The following ELMO1 variants were observed in gnomAD, a reference collection of about 807,000 sequenced individuals.
The protein encoded by ELMO1 is engulfment and cell motility protein 1.
Under a neutral mutation model 98.9 loss-of-function variants are expected in ELMO1, and 26 were observed. That is an observed-to-expected ratio of 0.26 (90% CI 0.19 to 0.36). The LOEUF is 0.36. Ranked by LOEUF, ELMO1 falls within the 10% of genes least tolerant of loss-of-function variation. ELMO1 has a pLI of 1.00. For missense variants in ELMO1, 627 were observed against 935.2 expected (o/e 0.67, Z 4.30); for synonymous variants, 346 against 346.0 (o/e 1.00, Z 0.00).
At chr7:36,915,862 C>A (rs1483059580) in intron 16 of ELMO1, among the ~76,000 whole-genome samples, 1 of 152,114 alleles carries the variant, frequency 6.6e-6, no homozygotes, top group Admixed American at 6.5e-5. Flanking sequence ...CAGTGTGAGA[C>A]AGAAGTACTT....
rs576908521 is a variant in ELMO1 at position 37,121,714 on chromosome 7, C to G, written c.1191+11416G>C. ...TGGAAAACACTCTACAGGATATCAT[C>G]CAGGAGAATTTCCCCAACCTAGCAA... is the stretch of plus-strand genomic sequence containing the variant. On this transcript the variant is annotated intron_variant, in intron 14 of 21. Coordinates refer to ENST00000310758, the MANE Select transcript of ELMO1 (RefSeq NM_014800.11). 2.0e-5 allele frequency among the ~76,000 whole-genome samples: 3 copies of G among 152,312 alleles called. No individual in the cohort carries two copies. The South Asian group carries it at 6.2e-4, about 32-fold the overall frequency.
At chr7:37,350,628 GA>G (rs1225661892) in intron 1 of ELMO1, among the ~76,000 whole-genome samples, 3 of 152,228 alleles carry the variant, frequency 2.0e-5, no homozygotes, top group Non-Finnish European at 4.4e-5. Flanking sequence ...CTCTCAGGTT[GA>G]TAGAGGCCTC....
At chr7:37,289,666 C>G (rs749843204) in intron 4 of ELMO1, among the ~76,000 whole-genome samples, 4 of 152,202 alleles carry the variant, frequency 2.6e-5, no homozygotes, top group Non-Finnish European at 5.9e-5. Context: ...CAAATGGGAT[C>G]TGGACTGACA....
intron 13 of ELMO1, among the ~76,000 whole-genome samples, chr7:37,174,091 T>C (rs1790358887): frequency 6.6e-6 from 1 of 152,206 alleles, no homozygotes; most frequent in Non-Finnish European, 1.5e-5. Flanking sequence ...AATGAAACCA[T>C]GACTGGGGGG....
At chr7:37,183,701 T>A (rs1791023768) in intron 13 of ELMO1, among the ~76,000 whole-genome samples, 1 of 137,902 alleles carries the variant, frequency 7.3e-6, no homozygotes, top group Non-Finnish European at 1.5e-5. Flanking sequence ...CTTTCTCACT[T>A]CACTAAGTAT....
intron 13 of ELMO1, among the ~76,000 whole-genome samples, chr7:37,198,137 CCTT>C (rs1372292072): frequency 2.0e-5 from 3 of 152,212 alleles, no homozygotes; most frequent in African/African-American, 7.2e-5. Flanking sequence ...TCCACCGCTT[CCTT>C]CACTAAAGAG....
chr7:37,373,207 C>A (rs1802187449), intron 1 of ELMO1, among the ~76,000 whole-genome samples: 1 of 152,202 alleles, frequency 6.6e-6, no homozygotes, highest in African/African-American at 2.4e-5. Context: ...AAGTGAAAAG[C>A]AAATCATTTC....
chr7:36,873,463 C>G (rs1462561782), intron 19 of ELMO1, among the ~76,000 whole-genome samples: 2 of 152,218 alleles, frequency 1.3e-5, no homozygotes, highest in Non-Finnish European at 2.9e-5. Context: ...ACATTTACCC[C>G]CTGGGGCATG....
At chr7:37,115,785 G>A (rs1425058481) in intron 14 of ELMO1, among the ~76,000 whole-genome samples, 1 of 151,316 alleles carries the variant, frequency 6.6e-6, no homozygotes, top group African/African-American at 2.4e-5. Flanking sequence ...AGACTGGGAA[G>A]GAGGAAACAA....
At chr7:37,423,472 C>T (rs1156406240) in intron 1 of ELMO1, among the ~76,000 whole-genome samples, 2 of 152,106 alleles carry the variant, frequency 1.3e-5, no homozygotes, top group African/African-American at 2.4e-5. Context: ...CCCAGCTATT[C>T]GGGAGGCTGA....
chr7:37,116,550 T>C (rs560509435), intron 14 of ELMO1, among the ~76,000 whole-genome samples: 2 of 152,162 alleles, frequency 1.3e-5, no homozygotes, highest in Non-Finnish European at 2.9e-5. Flanking sequence ...TTTTAACCTT[T>C]CAATTCACAT....
At position 37,448,710 on chromosome 7, in the gene ELMO1, C is replaced by T. The variant is rs1353024661; in HGVS notation, c.-109G>A. 6.6e-6 allele frequency: 1 copy of T among 152,286 alleles called. No homozygotes were observed. Among genetic ancestry groups the T allele is most frequent in the African/African-American group, 2.4e-5 (1 of 41,456 alleles). 9.4% of individuals were successfully genotyped at this position (152,286 alleles called of 1,614,324 possible). On this transcript the variant is annotated 5_prime_UTR_variant, in exon 1 of 22. Transcript: ENST00000310758. ...TCGCAGGACAGCAGCGGCAAGGGTT[C>T]CCGGCGATCAGAGCTCCGGCGACCC...
At chr7:36,974,065 C>T (rs1461707104) in intron 16 of ELMO1, among the ~76,000 whole-genome samples, 2 of 152,232 alleles carry the variant, frequency 1.3e-5, no homozygotes, top group East Asian at 1.9e-4. Context: ...CCCTGATGAG[C>T]GCCGCCCCCT....
intron 15 of ELMO1, among the ~76,000 whole-genome samples, chr7:37,030,096 C>G (rs1794794999): frequency 6.6e-6 from 1 of 152,092 alleles, no homozygotes; most frequent in Non-Finnish European, 1.5e-5. Context: ...TTCTTGGCGG[C>G]CATCTTTCTC....
chr7:37,115,699 C>T (rs553849607), intron 14 of ELMO1, among the ~76,000 whole-genome samples: 27 of 151,442 alleles, frequency 1.8e-4, no homozygotes, highest in Non-Finnish European at 2.6e-4. Flanking sequence ...CTAAGATGGT[C>T]GCTCCTATCA....
intron 1 of ELMO1, chr7:37,375,492 GC>G: frequency 1.3e-6 from 1 of 748,332 alleles, no homozygotes; most frequent in South Asian, 1.5e-5. Context: ...TATGATTCAA[GC>G]CCCGGCCCCG....
intron 13 of ELMO1, among the ~76,000 whole-genome samples, chr7:37,151,098 A>T (rs1463468745): frequency 6.6e-6 from 1 of 152,192 alleles, no homozygotes; most frequent in Non-Finnish European, 1.5e-5. Flanking sequence ...CATTTCAAAC[A>T]GTGTGGGGAG....
At chr7:37,193,002 TATATATAC>T (rs70975005) in intron 13 of ELMO1, among the ~76,000 whole-genome samples, 3,363 of 86,688 alleles carry the variant, frequency 0.039, 87 homozygotes, top group South Asian at 0.097. Context: ...TATATATATA[TATATATAC>T]ACACACACAC....
chr7:36,938,573 T>C (rs1340189783), intron 16 of ELMO1, among the ~76,000 whole-genome samples: 3 of 152,252 alleles, frequency 2.0e-5, no homozygotes, highest in Non-Finnish European at 1.5e-5. Flanking sequence ...AACATGCATT[T>C]GTATGTTTTA....
Sources: gnomAD v4.1 joint callset for allele counts (sites outside exome capture counted in the v4.1 genomes callset) on GRCh38, gnomAD v4.1.1 for gene constraint, MANE v1.5 for transcripts, NCBI Gene and HGNC (gene_info 2026-07-23, HGNC 2026-07-21) for gene names.